The following UTS2 variants were observed in gnomAD, a reference collection of about 807,000 sequenced individuals.
UTS2 encodes the protein urotensin-2.
Under a neutral mutation model 12.6 loss-of-function variants are expected in UTS2, and 10 were observed. That is an observed-to-expected ratio of 0.80 (90% CI 0.49 to 1.35). The LOEUF (loss-of-function observed/expected upper bound fraction) is 1.35, where lower values mean the gene tolerates loss of function less well. Ranked by LOEUF, UTS2 falls within the 40% of genes most tolerant of loss-of-function variation. UTS2 has a pLI of 0.00. For synonymous variants in UTS2, 52 were observed against 50.0 expected (o/e 1.04, Z -0.17); for missense variants, 142 against 143.2 (o/e 0.99, Z 0.04).
chr1:7,906,449 G>GAGAAAGATAGAA, the UTS2 span, among the ~76,000 whole-genome samples: 1 of 73,226 alleles, frequency 1.4e-5, no homozygotes, highest in Non-Finnish European at 2.6e-5. Flanking sequence ...GAAAGAAAAA[G>GAGAAAGATAGAA]AGAAAGAAAG....
chr1:7,891,449 C>T, the UTS2 span, among the ~76,000 whole-genome samples: 132 of 151,500 alleles, frequency 8.7e-4, no homozygotes, highest in East Asian at 0.018. Flanking sequence ...TCCCTTGAAC[C>T]GGGGAGGCTG....
At chr1:7,906,507 G>GA in the UTS2 span, among the ~76,000 whole-genome samples, 1 of 131,268 alleles carries the variant, frequency 7.6e-6, no homozygotes, top group Non-Finnish European at 1.6e-5. Flanking sequence ...AAGAAAGAAA[G>GA]AAAAGAGGGA....
At chr1:7,854,272 A>G (rs1459122766), upstream of UTS2, among the ~76,000 whole-genome samples, 1 of 150,876 alleles carries the variant, frequency 6.6e-6, no homozygotes, top group African/African-American at 2.4e-5. Context: ...TGAATCCAGG[A>G]GGCGGAGGGT....
intron 3 of UTS2, among the ~76,000 whole-genome samples, chr1:7,848,948 G>A (rs771436019): frequency 2.6e-5 from 4 of 152,100 alleles, no homozygotes; most frequent in East Asian, 3.9e-4. Context: ...TTTTGCTTCC[G>A]CAGGTCCTAG....
the UTS2 span, among the ~76,000 whole-genome samples, chr1:7,908,390 T>TG: frequency 1.5e-5 from 2 of 134,684 alleles, no homozygotes; most frequent in Admixed American, 1.6e-4. Context: ...TGCCTGAACC[T>TG]GGGAGGTGGA....
chr1:7,866,069 C>T, the UTS2 span, among the ~76,000 whole-genome samples: 19 of 152,342 alleles, frequency 1.2e-4, no homozygotes, highest in South Asian at 3.7e-3. The surrounding 1 kb of genome is among the most constrained non-coding windows in gnomAD (Gnocchi z 4.5). Context: ...CCACAGGCAC[C>T]GTGGAAAGGG....
At chr1:7,878,546 C>A in the UTS2 span, among the ~76,000 whole-genome samples, 3 of 151,876 alleles carry the variant, frequency 2.0e-5, no homozygotes, top group Non-Finnish European at 2.9e-5. Context: ...TTAATAATAA[C>A]CTTGAGTTTA....
the UTS2 span, among the ~76,000 whole-genome samples, chr1:7,869,096 T>C: frequency 1.3e-5 from 2 of 152,208 alleles, 1 homozygote; most frequent in South Asian, 4.1e-4. Flanking sequence ...ACATGCCCAG[T>C]GTCTCTAGGA....
intron 3 of UTS2, 144 bp downstream of exon 3, chr1:7,849,496 C>T: frequency 1.4e-6 from 1 of 705,574 alleles, no homozygotes; most frequent in Non-Finnish European, 2.3e-6. Context: ...CAGGCATGAG[C>T]TACCGCGCCT....
chr1:7,906,847 G>C, the UTS2 span, among the ~76,000 whole-genome samples: 1 of 152,172 alleles, frequency 6.6e-6, no homozygotes, highest in Admixed American at 6.6e-5. Flanking sequence ...CTCTAGTGAA[G>C]CTGTGATCAA....
chr1:7,907,438 G>C, the UTS2 span, among the ~76,000 whole-genome samples: 2 of 151,932 alleles, frequency 1.3e-5, no homozygotes, highest in Non-Finnish European at 2.9e-5. Flanking sequence ...CTGAACACAA[G>C]GAGTTTGAGA....
chr1:7,888,049 A>G, the UTS2 span, among the ~76,000 whole-genome samples: 4 of 152,208 alleles, frequency 2.6e-5, no homozygotes, highest in African/African-American at 9.6e-5. Context: ...GGACCAGACT[A>G]GGAACTGAGC....
At chr1:7,896,289 C>G in the UTS2 span, among the ~76,000 whole-genome samples, 1 of 151,180 alleles carries the variant, frequency 6.6e-6, no homozygotes, top group Non-Finnish European at 1.5e-5. Context: ...CTACCTCACA[C>G]CAAACATAAA....
At chr1:7,863,501 C>G in the UTS2 span, among the ~76,000 whole-genome samples, 1 of 152,184 alleles carries the variant, frequency 6.6e-6, no homozygotes, top group Non-Finnish European at 1.5e-5. Flanking sequence ...TCACTTACCA[C>G]GTTTTACTTT....
the UTS2 span, among the ~76,000 whole-genome samples, chr1:7,864,213 G>A: frequency 4.6e-5 from 7 of 152,146 alleles, no homozygotes; most frequent in Admixed American, 1.3e-4. Context: ...TCAAGGTGTC[G>A]GCAGGGCTGA....
At position 7,847,637 on chromosome 1, in the gene UTS2, TC is replaced by T. The variant is rs1191130065; in HGVS notation, c.*128del. On this transcript the variant is annotated 3_prime_UTR_variant, in exon 4 of 4. Coordinates refer to ENST00000361696, the MANE Select transcript of UTS2 (RefSeq NM_006786.4). Reference sequence around the variant, plus strand: ...TGTGCAAAACATAGAGGATTTATTTTCCAGGTAACAATGAACAGGGTGTAGT... The same window carrying T: ...TGTGCAAAACATAGAGGATTTATTTTCAGGTAACAATGAACAGGGTGTAGT... 4.2e-6 allele frequency: 3 copies of T among 708,716 alleles called. No homozygotes were observed. The African/African-American group carries it at 5.3e-5, about 13-fold the overall frequency. 43.9% of individuals were successfully genotyped at this position (708,716 alleles called of 1,614,324 possible).
At chr1:7,885,328 C>T in the UTS2 span, among the ~76,000 whole-genome samples, 5 of 152,218 alleles carry the variant, frequency 3.3e-5, no homozygotes, top group African/African-American at 1.2e-4. Flanking sequence ...TTGGTAGGTA[C>T]TTTGCTAACC....
chr1:7,879,408 A>G, the UTS2 span, among the ~76,000 whole-genome samples: 1 of 152,122 alleles, frequency 6.6e-6, no homozygotes, highest in Admixed American at 6.5e-5. Flanking sequence ...CTCCTGAGTG[A>G]CCACTAGGAC....
At chr1:7,889,959 C>T in the UTS2 span, among the ~76,000 whole-genome samples, 2 of 151,848 alleles carry the variant, frequency 1.3e-5, no homozygotes, top group Non-Finnish European at 2.9e-5. Flanking sequence ...CCCAGCTACT[C>T]GGGAGGCTGA....
Sources: gnomAD v4.1 joint callset for allele counts (sites outside exome capture counted in the v4.1 genomes callset) on GRCh38, gnomAD v4.1.1 for gene constraint, Gnocchi (gnomAD v3.1) non-coding constraint, MANE v1.5 for transcripts, NCBI Gene and HGNC (gene_info 2026-07-23, HGNC 2026-07-21) for gene names.